SOX6: variants seen among roughly 807,000 people sequenced by gnomAD.
SOX6 encodes the protein transcription factor SOX-6.
In SOX6, 11 loss-of-function variants were observed where a neutral mutation model predicts 97.8. The observed-to-expected ratio is 0.11, with a 90% CI of 0.07 to 0.19. SOX6 has a LOEUF of 0.19. Ranked by LOEUF, SOX6 falls within the 10% of genes least tolerant of loss-of-function variation. SOX6 has a pLI of 1.00. For synonymous variants in SOX6, 360 were observed against 371.4 expected, an observed-to-expected ratio of 0.97 and a Z score of 0.35; for missense variants, 810 against 1,039.5, an observed-to-expected ratio of 0.78 and a Z score of 3.04.
At position 16,484,193 on chromosome 11, in the gene SOX6, G is replaced by T. The variant is rs1860393348; in HGVS notation, n.610-7805C>A. The T allele has an allele frequency of 2.3e-5, 18 of 798,872 alleles. No individual in the cohort carries two copies. The South Asian group carries it at 2.4e-4, about 11-fold the overall frequency. 49.5% of individuals were successfully genotyped at this position (798,872 alleles called of 1,614,324 possible). A position where few individuals can be genotyped will look rare whatever the true frequency, so the allele number is the denominator to read the frequency against. On this transcript the variant is annotated intron_variant and non_coding_transcript_variant, in intron 4 of 5. Coordinates refer to the SOX6 transcript ENST00000524520. Reference sequence around the variant, plus strand: ...CTCCACCTGGAAATGGTTGAAGTTGGAGATGCCAATAGCTTTCACCAGCCC... The same window carrying T: ...CTCCACCTGGAAATGGTTGAAGTTGTAGATGCCAATAGCTTTCACCAGCCC...
intron 1 of SOX6, among the ~76,000 whole-genome samples, chr11:16,399,976 T>C (rs901875713): frequency 1.3e-5 from 2 of 151,370 alleles, no homozygotes; most frequent in African/African-American, 2.4e-5. Context: ...GAAAAAAGGA[T>C]TCTTAACTTA....
intron 4 of SOX6, among the ~76,000 whole-genome samples, chr11:16,595,281 A>G (rs1254486049): frequency 6.6e-6 from 1 of 152,118 alleles, no homozygotes; most frequent in Non-Finnish European, 1.5e-5. Flanking sequence ...GACCACGGCC[A>G]TAGCTTCTCT....
intron 6 of SOX6, among the ~76,000 whole-genome samples, chr11:16,156,542 T>C (rs559294448): frequency 6.6e-6 from 1 of 152,106 alleles, no homozygotes; most frequent in East Asian, 1.9e-4. Context: ...TAATTCAGCA[T>C]GTCAAAAATA....
At chr11:16,469,376 T>C (rs1237143602) in intron 1 of SOX6, among the ~76,000 whole-genome samples, 2 of 152,028 alleles carry the variant, frequency 1.3e-5, no homozygotes, top group Non-Finnish European at 2.9e-5. Flanking sequence ...TCTTAAGAAA[T>C]ACAAGCTTGC....
At chr11:16,501,044 A>G (rs1288554985) in intron 4 of SOX6, among the ~76,000 whole-genome samples, 1 of 152,232 alleles carries the variant, frequency 6.6e-6, no homozygotes, top group South Asian at 2.1e-4. Context: ...GCACCACGCT[A>G]CCTGACTTCA....
rs1393852817 is a variant in SOX6 at position 16,341,052 on chromosome 11, T to C, written c.197A>G (p.Asp66Gly). The stretch of plus-strand genomic sequence containing the variant: ...TGACAGAACGCTGTCCCAGTCAGCA[T>C]CTTGTTGAATGGTACTGACAAGTGT... ...LPTLVSTIQQ[D>G]ADWDSVLSSQ... The change falls in exon 2 of 16, where the codon GAT becomes GGT. Residue 66 changes from aspartate to glycine, a missense_variant. Asp to Gly is a moderately conservative substitution (Grantham distance 94). Transcript: ENST00000683767. 1 of 1,613,356 alleles carries C rather than the reference T, an allele frequency of 6.2e-7. No homozygotes were observed. Among genetic ancestry groups the C allele is most frequent in the African/African-American group, 1.3e-5 (1 of 74,892 alleles).
chr11:16,468,709 A>C (rs906518036), intron 1 of SOX6, among the ~76,000 whole-genome samples: 3 of 152,196 alleles, frequency 2.0e-5, no homozygotes, highest in African/African-American at 7.2e-5. Context: ...TATAAACTAC[A>C]ACCAAATTTT....
intron 4 of SOX6, among the ~76,000 whole-genome samples, chr11:16,513,409 G>T (rs1451339648): frequency 6.6e-6 from 1 of 151,896 alleles, no homozygotes; most frequent in African/African-American, 2.4e-5. Context: ...AAGGCGGGCG[G>T]ATCACTTGAG....
intron 15 of SOX6, among the ~76,000 whole-genome samples, chr11:15,978,143 T>C (rs1377642098): frequency 1.3e-5 from 2 of 152,102 alleles, no homozygotes; most frequent in Admixed American, 6.6e-5. Context: ...AAACATGCTA[T>C]AATCACTCAT....
Position 16,291,718 on chromosome 11 carries a change from G to A in SOX6, c.445+26728C>T, listed in dbSNP as rs150450141. ...AATAATGCTATTGTGAGGCATGTGC[G>A]TACACATTTTAAATGACTTCAAAAT... On this transcript the variant is annotated intron_variant, in intron 3 of 15. Transcript: ENST00000683767. Among the ~76,000 whole-genome samples the A allele has an allele frequency of 1.4e-4, 21 of 152,156 alleles. No homozygotes were observed. The East Asian group carries it at 1.7e-3, about 13-fold the overall frequency.
chr11:16,403,715 A>C (rs1168754580), intron 1 of SOX6, among the ~76,000 whole-genome samples: 5 of 151,812 alleles, frequency 3.3e-5, no homozygotes, highest in Non-Finnish European at 7.4e-5. Flanking sequence ...AAAGCTCATT[A>C]ATCACTGAAA....
intron 2 of SOX6, among the ~76,000 whole-genome samples, chr11:16,328,849 A>G (rs191510154): frequency 9.2e-5 from 14 of 152,160 alleles, no homozygotes; most frequent in Non-Finnish European, 5.9e-5. Context: ...CTCAGAGGAA[A>G]AAAGTATGTT....
At chr11:16,565,559 T>G (rs760038495) in intron 4 of SOX6, among the ~76,000 whole-genome samples, 4 of 151,248 alleles carry the variant, frequency 2.6e-5, no homozygotes, top group Non-Finnish European at 5.9e-5. Context: ...CACAAACAAG[T>G]ATCCACAGTA....
At chr11:16,148,206 G>A (rs984262767) in intron 6 of SOX6, among the ~76,000 whole-genome samples, 10 of 152,148 alleles carry the variant, frequency 6.6e-5, no homozygotes, top group Non-Finnish European at 1.0e-4. Flanking sequence ...CCAATCAGTT[G>A]TTGAGTTAGA....
intron 1 of SOX6, among the ~76,000 whole-genome samples, chr11:16,473,637 C>T (rs1465354081): frequency 2.6e-5 from 4 of 151,258 alleles, no homozygotes; most frequent in African/African-American, 4.9e-5. Context: ...CTGCAACCTC[C>T]GCCTCCTGGG....
chr11:16,144,162 C>A (rs965270370), intron 6 of SOX6, among the ~76,000 whole-genome samples: 1 of 152,206 alleles, frequency 6.6e-6, no homozygotes, highest in African/African-American at 2.4e-5. Context: ...TCTCAGACCA[C>A]AGTGCAATCA....
At chr11:16,674,106 T>C (rs1454976406) in intron 3 of SOX6, among the ~76,000 whole-genome samples, 3 of 139,874 alleles carry the variant, frequency 2.1e-5, no homozygotes, top group African/African-American at 8.1e-5. Context: ...AGGAAAATGG[T>C]GTGAACCCAG....
At chr11:16,067,715 A>AC (rs1488097858) in intron 9 of SOX6, among the ~76,000 whole-genome samples, 3 of 152,096 alleles carry the variant, frequency 2.0e-5, no homozygotes, top group Non-Finnish European at 4.4e-5. Flanking sequence ...GAGGATGGAT[A>AC]CCCCACATTA....
intron 1 of SOX6, among the ~76,000 whole-genome samples, chr11:16,369,012 G>T (rs950201326): frequency 6.6e-6 from 1 of 152,026 alleles, no homozygotes; most frequent in African/African-American, 2.4e-5. Context: ...GAGGTGGGAG[G>T]ATAGCTTGAG....
Sources: gnomAD v4.1 joint callset for allele counts (sites outside exome capture counted in the v4.1 genomes callset) on GRCh38, gnomAD v4.1.1 for gene constraint, MANE v1.5 for transcripts, NCBI Gene and HGNC (gene_info 2026-07-23, HGNC 2026-07-21) for gene names.